The following ADGRA3 variants were observed in gnomAD, a reference collection of about 807,000 sequenced individuals.
ADGRA3 encodes G-protein coupled receptor 125.
In ADGRA3, 56 loss-of-function variants were observed where a neutral mutation model predicts 119.8. The observed-to-expected ratio is 0.47, with a 90% CI of 0.38 to 0.58. ADGRA3 has a LOEUF of 0.58. ADGRA3 is among the 20% of genes least tolerant of loss of function. The probability of loss-of-function intolerance (pLI) is 0.00; values close to 1 mark genes in which losing one functional copy is unlikely to be tolerated. For synonymous variants in ADGRA3, 607 were observed against 623.8 expected (o/e 0.97, Z 0.40); for missense variants, 1,516 against 1,649.0 (o/e 0.92, Z 1.40).
chr4:22,415,306 A>G (rs1208015937), intron 12 of ADGRA3, among the ~76,000 whole-genome samples: 1 of 152,206 alleles, frequency 6.6e-6, no homozygotes. Context: ...ATGATGTTAG[A>G]TCACAGCAGA....
chr4:22,453,596 A>G (rs1717138335), intron 4 of ADGRA3, among the ~76,000 whole-genome samples: 1 of 152,228 alleles, frequency 6.6e-6, no homozygotes, highest in African/African-American at 2.4e-5. Context: ...TACAGGGAGA[A>G]AGAACCACAA....
At chr4:22,481,009 C>A (rs1281207782) in intron 1 of ADGRA3, among the ~76,000 whole-genome samples, 2 of 152,088 alleles carry the variant, frequency 1.3e-5, no homozygotes, top group Non-Finnish European at 2.9e-5. Flanking sequence ...TACTGCACTC[C>A]AGCCTGGGTG....
intron 1 of ADGRA3, among the ~76,000 whole-genome samples, chr4:22,503,708 T>C (rs556360677): frequency 5.9e-5 from 9 of 152,280 alleles, no homozygotes; most frequent in African/African-American, 2.2e-4. Context: ...GTATTCTAAC[T>C]GAGAAATGTC....
At chr4:22,504,658 C>A (rs1719174924) in intron 1 of ADGRA3, among the ~76,000 whole-genome samples, 1 of 151,992 alleles carries the variant, frequency 6.6e-6, no homozygotes, top group Admixed American at 6.6e-5. Flanking sequence ...TTGATTTCAT[C>A]GTCTTTCCTC....
At chr4:22,458,621 C>T (rs1272741491) in intron 3 of ADGRA3, among the ~76,000 whole-genome samples, 1 of 152,104 alleles carries the variant, frequency 6.6e-6, no homozygotes, top group Non-Finnish European at 1.5e-5. Context: ...ACACCGATCA[C>T]CACCTTATCA....
At chr4:22,419,011 C>CA (rs1715542180) in intron 12 of ADGRA3, among the ~76,000 whole-genome samples, 1 of 152,076 alleles carries the variant, frequency 6.6e-6, no homozygotes, top group South Asian at 2.1e-4. Context: ...CACAGAGACT[C>CA]AAAGTTACCG....
chr4:22,506,275 G>C (rs13135791), intron 1 of ADGRA3, among the ~76,000 whole-genome samples: 1 of 152,060 alleles, frequency 6.6e-6, no homozygotes, highest in East Asian at 1.9e-4. Flanking sequence ...AAATAAGGCC[G>C]GGCACAGTGG....
intron 4 of ADGRA3, among the ~76,000 whole-genome samples, chr4:22,451,697 G>A (rs1470064800): frequency 3.3e-5 from 5 of 152,008 alleles, no homozygotes; most frequent in African/African-American, 4.8e-5. Flanking sequence ...TAGGCTGTCC[G>A]CCAAGGTCTC....
intron 1 of ADGRA3, chr4:22,477,532 T>C (rs762925976): frequency 1.6e-4 from 25 of 152,174 alleles, no homozygotes; most frequent in Admixed American, 2.6e-4. Flanking sequence ...CCAAGCTCAG[T>C]GACATTAGTG....
At chr4:22,439,679 AAT>A (rs762494587) in intron 7 of ADGRA3, among the ~76,000 whole-genome samples, 10 of 152,230 alleles carry the variant, frequency 6.6e-5, no homozygotes, top group Non-Finnish European at 1.0e-4. Flanking sequence ...ATATTTTTAA[AAT>A]AGAGTGACAC....
intron 1 of ADGRA3, 91 bp from the exon 2 acceptor site, chr4:22,473,934 T>C (rs576210560): frequency 4.4e-6 from 3 of 689,508 alleles, no homozygotes; most frequent in Admixed American, 6.1e-5. Flanking sequence ...TATGAGAAAT[T>C]CTAAGACATC....
intron 1 of ADGRA3, among the ~76,000 whole-genome samples, chr4:22,498,664 C>A (rs1459087768): frequency 6.6e-6 from 1 of 151,832 alleles, no homozygotes; most frequent in East Asian, 1.9e-4. Flanking sequence ...GCCTGTAATC[C>A]CAGCACTTTG....
chr4:22,400,135 A>C (rs957779438), intron 16 of ADGRA3, among the ~76,000 whole-genome samples: 10 of 152,178 alleles, frequency 6.6e-5, no homozygotes, highest in African/African-American at 2.4e-4. Context: ...ACTTGTGTAC[A>C]TAATCATATC....
intron 3 of ADGRA3, among the ~76,000 whole-genome samples, chr4:22,456,508 T>C (rs1188363092): frequency 6.6e-6 from 1 of 152,210 alleles, no homozygotes; most frequent in Non-Finnish European, 1.5e-5. Context: ...CTACAGGTTC[T>C]TTGTCTTTTG....
intron 1 of ADGRA3, among the ~76,000 whole-genome samples, chr4:22,510,597 C>A (rs1577392743): frequency 6.6e-6 from 1 of 152,200 alleles, no homozygotes; most frequent in East Asian, 1.9e-4. Context: ...ACGGGCCGGG[C>A]CGATGGTTCC....
Position 22,421,102 on chromosome 4 carries a change from A to G in ADGRA3, c.1606-13T>C. The G allele has an allele frequency of 1.9e-6, 3 of 1,607,046 alleles. No homozygotes were observed. The highest frequency in any genetic ancestry group is 2.6e-6 in the Non-Finnish European group (3 of 1,173,980). ...TATTGGGTGAATACTTGAAAAGTCA[A>G]TCAAACAGGAGTTATGAACGATTTA... On this transcript the variant is annotated splice_polypyrimidine_tract_variant and intron_variant, in intron 11 of 18. Transcript: ENST00000334304.
chr4:22,502,421 T>C (rs1442396007), intron 1 of ADGRA3, among the ~76,000 whole-genome samples: 1 of 152,102 alleles, frequency 6.6e-6, no homozygotes, highest in Non-Finnish European at 1.5e-5. Flanking sequence ...TTGAGATATA[T>C]CACATGCAGA....
chr4:22,505,078 T>G (rs999298142), intron 1 of ADGRA3, among the ~76,000 whole-genome samples: 1 of 152,118 alleles, frequency 6.6e-6, no homozygotes, highest in Non-Finnish European at 1.5e-5. Flanking sequence ...GCCAGGAGCA[T>G]CCTTCACCAT....
intron 17 of ADGRA3, 80 bp from the exon 18 acceptor site, chr4:22,389,263 A>C (rs562377132): frequency 2.2e-6 from 2 of 903,406 alleles, no homozygotes; most frequent in African/African-American, 3.3e-5. Flanking sequence ...CAGTACTTCA[A>C]AAGTCATTCC....
Sources: gnomAD v4.1 joint callset for allele counts (sites outside exome capture counted in the v4.1 genomes callset) on GRCh38, gnomAD v4.1.1 for gene constraint, MANE v1.5 for transcripts, NCBI Gene and HGNC (gene_info 2026-07-23, HGNC 2026-07-21) for gene names.